UGT2B7: variants seen among roughly 807,000 people sequenced by gnomAD.
The protein encoded by UGT2B7 is UDP glucuronosyltransferase family 2 member B7, also known as UDP-glucuronosyltransferase 2B7.
A neutral mutation model predicts 51.9 loss-of-function variants in UGT2B7; 51 were observed. That is an observed-to-expected ratio of 0.98 (90% CI 0.78 to 1.24). The LOEUF is 1.24. Among genes scored for constraint, UGT2B7 ranks in the 50% most tolerant of loss-of-function variants. The pLI is 0.00. For missense variants in UGT2B7, 727 were observed against 628.4 expected (o/e 1.16, Z -1.68); for synonymous variants, 225 against 211.6 (o/e 1.06, Z -0.55).
chr4:69,092,581 A>T (rs1419312351), upstream of UGT2B7, among the ~76,000 whole-genome samples: 2 of 145,644 alleles, frequency 1.4e-5, no homozygotes, highest in Admixed American at 1.3e-4. Flanking sequence ...AAAAAGTAAA[A>T]TATAAAATAT....
chr4:69,085,330 A>G (rs928480311), intron 1 of UGT2B7, among the ~76,000 whole-genome samples: 3 of 151,920 alleles, frequency 2.0e-5, no homozygotes, highest in Non-Finnish European at 2.9e-5. Flanking sequence ...TGTCTTGTAA[A>G]TTTGTTTAAC....
chr4:69,087,142 CTG>C lies in UGT2B7; in HGVS notation c.-158-2326_-158-2325del, dbSNP rs558562374. On this transcript the variant is annotated intron_variant, in intron 1 of 5. Transcript: ENST00000502942. ...TCTCTCTCTCTCTGTCTCTCTCTCT[CTG>C]TGTCTTCCTTTATGGTTAAGTAATT... Among the ~76,000 whole-genome samples, 21 of 151,678 alleles carry C rather than the reference CTG, an allele frequency of 1.4e-4. No homozygotes were observed. In the South Asian group the frequency reaches 3.8e-3, roughly 27 times the overall value.
rs554573772 is a variant in UGT2B7 at position 69,082,799 on chromosome 4, G to T, written c.-158-6673G>T. On this transcript the variant is annotated intron_variant, in intron 1 of 5. Transcript: ENST00000502942. ...ATGATGGTGATTACACTAAACAACA[G>T]AATTTGAATGTTGACAAAACGGTCC... 9.2e-5 allele frequency among the ~76,000 whole-genome samples: 14 copies of T among 152,226 alleles called. No homozygotes were observed. The South Asian group carries it at 2.7e-3, about 29-fold the overall frequency.
chr4:69,058,705 A>C (rs1718273173), intron 1 of UGT2B7, among the ~76,000 whole-genome samples: 1 of 152,036 alleles, frequency 6.6e-6, no homozygotes, highest in Admixed American at 6.6e-5. Context: ...TTTTGCAGGC[A>C]TGAATGCTAT....
At chr4:69,070,305 T>C (rs1243249418) in intron 1 of UGT2B7, among the ~76,000 whole-genome samples, 1 of 147,984 alleles carries the variant, frequency 6.8e-6, no homozygotes, top group Non-Finnish European at 1.5e-5. Flanking sequence ...ATATTGTATT[T>C]TTATTGTTTT....
intron 1 of UGT2B7, among the ~76,000 whole-genome samples, chr4:69,070,557 A>C (rs1362018141): frequency 6.6e-6 from 1 of 151,974 alleles, no homozygotes; most frequent in Non-Finnish European, 1.5e-5. Context: ...TCCAACTAAG[A>C]CAAAGGTAAC....
rs371114623 is a variant in UGT2B7, at chr4:69,096,741, T to C, written c.221T>C (p.Ile74Thr). ...CCCAACAACTCATCCGCTCTTAAAA[T>C]TGAAATTTATCCCACATCTTTAACT... is the stretch of plus-strand genomic sequence containing the variant. ...FDPNNSSALKIEIYPTSLTKT... is the reference protein window; with the variant it reads ...FDPNNSSALKTEIYPTSLTKT... The change falls in exon 1 of 6, where the codon ATT becomes ACT. Residue 74 changes from isoleucine to threonine, a missense_variant. Ile to Thr is a moderately conservative substitution (Grantham distance 89). Coordinates refer to ENST00000305231, the MANE Select transcript of UGT2B7 (RefSeq NM_001074.4). 5.0e-6 allele frequency: 8 copies of C among 1,614,034 alleles called. No homozygotes were observed. The East Asian group carries it at 1.6e-4, about 31-fold the overall frequency.
At chr4:69,107,128 CT>C (rs1560511876) in intron 3 of UGT2B7, 46 bp from the exon 4 acceptor site, 1 of 1,574,066 alleles carries the variant, frequency 6.4e-7, no homozygotes, top group South Asian at 1.1e-5. Flanking sequence ...CATTCTATAA[CT>C]TTTGAATTCC....
Position 69,112,820 on chromosome 4 carries a change from T to A in UGT2B7, c.*84T>A. 7.0e-7 allele frequency: 1 copy of A among 1,429,142 alleles called. No homozygotes were observed. The highest frequency in any genetic ancestry group is 2.6e-5 in the East Asian group (1 of 38,704). 88.5% of individuals were successfully genotyped at this position (1,429,142 alleles called of 1,614,324 possible). A position where few individuals can be genotyped will look rare whatever the true frequency, so the allele number is the denominator to read the frequency against. On this transcript the variant is annotated 3_prime_UTR_variant, in exon 6 of 6. Coordinates refer to ENST00000305231, the MANE Select transcript of UGT2B7 (RefSeq NM_001074.4). ...AGCAAGAAAGATTGTGATGCAAGAT[T>A]TCTTTCTTCCTGAGACAAAAAAAAA...
chr4:69,109,367 G>T (rs543639165), intron 5 of UGT2B7, among the ~76,000 whole-genome samples: 1 of 152,190 alleles, frequency 6.6e-6, no homozygotes, highest in East Asian at 1.9e-4. Context: ...GTACAACATG[G>T]TTCCAATTCC....
At chr4:69,086,276 G>A (rs1178940598) in intron 1 of UGT2B7, among the ~76,000 whole-genome samples, 1 of 151,594 alleles carries the variant, frequency 6.6e-6, no homozygotes, top group Non-Finnish European at 1.5e-5. Context: ...TTTAATTTAT[G>A]TATAGTTGTA....
Position 69,096,953 on chromosome 4 carries a change from T to C in UGT2B7, c.433T>C (p.Phe145Leu). 1.2e-6 allele frequency: 2 copies of C among 1,613,426 alleles called. No homozygotes were observed. The highest frequency in any genetic ancestry group is 2.2e-5 in the South Asian group (2 of 90,886). The change falls in exon 1 of 6, where the codon TTT (phenylalanine) becomes CTT (leucine). Residue 145 changes from phenylalanine to leucine, a missense_variant. Physicochemically the swap from Phe to Leu is conservative, Grantham distance 22. Coordinates refer to ENST00000305231, the MANE Select transcript of UGT2B7 (RefSeq NM_001074.4). ...TATGAAAAAAGTACAAGAGTCAAGA[T>C]TTGACGTCATTTTTGCAGATGCTAT... ...KFMKKVQESRFDVIFADAIFP... is the reference protein window; with the variant it reads ...KFMKKVQESRLDVIFADAIFP...
At chr4:69,063,318 C>CAAAAAAAAAAA (rs556109411) in intron 1 of UGT2B7, among the ~76,000 whole-genome samples, 2 of 23,854 alleles carry the variant, frequency 8.4e-5, no homozygotes, top group Admixed American at 4.5e-4. Flanking sequence ...GACTCCGTCT[C>CAAAAAAAAAAA]AAAAAAAAAA....
At chr4:69,065,531 T>G (rs1373777196) in intron 1 of UGT2B7, among the ~76,000 whole-genome samples, 1 of 152,184 alleles carries the variant, frequency 6.6e-6, no homozygotes, top group Non-Finnish European at 1.5e-5. Context: ...TTTCCAGTGG[T>G]AGTAAATGTG....
intron 1 of UGT2B7, among the ~76,000 whole-genome samples, chr4:69,075,179 T>G (rs1340060352): frequency 2.6e-5 from 4 of 152,160 alleles, no homozygotes; most frequent in Admixed American, 2.0e-4. Context: ...CTTAAATTTG[T>G]GGAATTTTCA....
At chr4:69,094,836 A>T (rs893644493), upstream of UGT2B7, among the ~76,000 whole-genome samples, 2 of 152,176 alleles carry the variant, frequency 1.3e-5, no homozygotes, top group Admixed American at 6.5e-5. Flanking sequence ...TCAAACTCTA[A>T]CGCTGCTTTA....
At position 69,096,571 on chromosome 4, in the gene UGT2B7, C is replaced by CT. The variant is rs1183643062; in HGVS notation, c.54dup (p.Ser19Ter). On this transcript the variant is annotated frameshift_variant, in exon 1 of 6. Transcript: ENST00000305231. LOFTEE classifies it high-confidence loss of function. ...TTTTGCTAATACAACTGAGCTTTTG[C>CT]TTTAGCTCTGGGAATTGTGGAAAGG... The CT allele has an allele frequency of 6.2e-7, 1 of 1,613,794 alleles. No individual in the cohort carries two copies. Among genetic ancestry groups the CT allele is most frequent in the Non-Finnish European group, 8.5e-7 (1 of 1,179,874 alleles).
At chr4:69,087,792 T>A (rs1718995918) in intron 1 of UGT2B7, among the ~76,000 whole-genome samples, 1 of 151,998 alleles carries the variant, frequency 6.6e-6, no homozygotes, top group Non-Finnish European at 1.5e-5. Context: ...TTATTTTATT[T>A]TTTTTTGAGA....
intron 1 of UGT2B7, among the ~76,000 whole-genome samples, chr4:69,068,846 C>CATAATT (rs1718538255): frequency 6.6e-6 from 1 of 151,846 alleles, no homozygotes; most frequent in African/African-American, 2.4e-5. Flanking sequence ...TCTATTAGTC[C>CATAATT]ATAATTATTT....
Sources: gnomAD v4.1 joint callset for allele counts (sites outside exome capture counted in the v4.1 genomes callset) on GRCh38, gnomAD v4.1.1 for gene constraint, MANE v1.5 for transcripts, NCBI Gene and HGNC (gene_info 2026-07-23, HGNC 2026-07-21) for gene names.